SVOP: variants seen among roughly 807,000 people sequenced by gnomAD.
SVOP encodes synaptic vesicle 2-related protein.
Under a neutral mutation model 69.1 loss-of-function variants are expected in SVOP, and 17 were observed. The observed-to-expected ratio is 0.25, with a 90% CI of 0.17 to 0.37. The LOEUF is 0.37. Ranked by LOEUF, SVOP falls within the 10% of genes least tolerant of loss-of-function variation. SVOP has a pLI of 1.00. For missense variants in SVOP, 435 were observed against 597.5 expected (o/e 0.73, Z 2.84); for synonymous variants, 238 against 238.6 (o/e 1.00, Z 0.02).
At chr12:108,980,602 T>A (rs1047394159) in intron 2 of SVOP, among the ~76,000 whole-genome samples, 1 of 71,792 alleles carries the variant, frequency 1.4e-5, no homozygotes, top group Non-Finnish European at 2.9e-5. Context: ...TACAAAAAAT[T>A]AGCTGGGCGC....
rs1270692950 is a variant in SVOP at position 108,980,756 on chromosome 12, CA to C, written c.197-2094del. ...TGGGCAACAGAGCGAGACTCCGTCT[CA>C]AAAAAAAAAAAAAAAAAATTAGCCA... On this transcript the variant is annotated intron_variant, in intron 2 of 15. Coordinates refer to ENST00000610966, the MANE Select transcript of SVOP (RefSeq NM_018711.5). 4.1e-3 allele frequency among the ~76,000 whole-genome samples: 247 copies of C among 60,326 alleles called. 26 individuals are homozygous for C. Among genetic ancestry groups the C allele is most frequent in the Middle Eastern group, 0.019 (1 of 54 alleles). 39.6% of individuals were successfully genotyped at this position (60,326 alleles called of 152,430 possible). A position where few individuals can be genotyped will look rare whatever the true frequency, so the allele number is the denominator to read the frequency against.
chr12:108,976,199 T>C (rs958989811), intron 4 of SVOP, among the ~76,000 whole-genome samples: 1 of 152,158 alleles, frequency 6.6e-6, no homozygotes, highest in Non-Finnish European at 1.5e-5. Context: ...TGGAGGTGAC[T>C]AAACCACAAA....
In SVOP at chr12:108,978,232, G is replaced by C. The variant is rs150783603; in HGVS notation, c.282+346C>G. ...GGGATTTGAATGAGGGATCATGAGA[G>C]TCTTGAAGCAGAAGGCACATTTCTA... On this transcript the variant is annotated intron_variant, in intron 3 of 15. Coordinates refer to ENST00000610966, the MANE Select transcript of SVOP (RefSeq NM_018711.5). Among the ~76,000 whole-genome samples, 848 of 152,312 alleles carry C rather than the reference G, an allele frequency of 5.6e-3. 12 individuals are homozygous for C. The highest frequency in any genetic ancestry group is 0.02 in the African/African-American group (824 of 41,566).
rs908790673 is a variant in SVOP, at chr12:108,922,897, G to A, written c.1049-100C>T. On this transcript the variant is annotated intron_variant, in intron 11 of 15. Coordinates refer to ENST00000610966, the MANE Select transcript of SVOP (RefSeq NM_018711.5). Reference sequence around the variant, plus strand: ...TCCTTCCCTGGGGTGATTCAGTTTAGATGCCATAGAAAGAGCCCAGACTCA... The same window carrying A: ...TCCTTCCCTGGGGTGATTCAGTTTAAATGCCATAGAAAGAGCCCAGACTCA... 4.9e-6 allele frequency: 4 copies of A among 812,012 alleles called. 1 individual carries two copies. In the South Asian group the frequency reaches 6.4e-5, roughly 13 times the overall value. 50.3% of individuals were successfully genotyped at this position (812,012 alleles called of 1,614,324 possible). A position where few individuals can be genotyped will look rare whatever the true frequency, so the allele number is the denominator to read the frequency against.
At chr12:109,013,320 T>G (rs987865551) in intron 1 of SVOP, among the ~76,000 whole-genome samples, 1 of 151,828 alleles carries the variant, frequency 6.6e-6, no homozygotes, top group African/African-American at 2.4e-5. Context: ...TATTGGAGGA[T>G]AGAGGAAGAA....
chr12:108,951,515 A>AT (rs1230427176), intron 6 of SVOP, among the ~76,000 whole-genome samples: 3 of 152,230 alleles, frequency 2.0e-5, no homozygotes, highest in African/African-American at 7.2e-5. Context: ...CCTTGCTTGA[A>AT]TTAAAGTCTA....
chr12:108,972,580 T>A, intron 4 of SVOP, 104 bp from the exon 5 acceptor site: 1 of 1,167,732 alleles, frequency 8.6e-7, no homozygotes, highest in Non-Finnish European at 1.2e-6. Flanking sequence ...GTAACAGCAA[T>A]GATCTAACAT....
chr12:108,991,442 CTTGTTTGTTT>C (rs2040199950), intron 1 of SVOP, among the ~76,000 whole-genome samples: 1 of 13,994 alleles, frequency 7.1e-5, no homozygotes, highest in Non-Finnish European at 1.1e-3. Context: ...TCGGGTTTTG[CTTGTTTGTTT>C]GTTTGTTTGT....
At chr12:108,975,847 C>T (rs886915790) in intron 4 of SVOP, among the ~76,000 whole-genome samples, 2 of 151,920 alleles carry the variant, frequency 1.3e-5, no homozygotes, top group African/African-American at 2.4e-5. Flanking sequence ...GATTACAGGA[C>T]GCGCCACCAT....
chr12:108,940,877 G>A lies in SVOP; in HGVS notation c.675C>T (p.Val225=), dbSNP rs1260086384. 3.4e-5 allele frequency: 52 copies of A among 1,536,922 alleles called. No individual in the cohort carries two copies. The highest frequency in any genetic ancestry group is 4.3e-5 in the Non-Finnish European group (49 of 1,146,800). ...TGGGCATCACGAACACAGCCAGGAC[G>A]ACCTCGAACACTGTCCCGATGGCCC... ...VFWAIGTVFE[V]VLAVFVMPSL... is the part of the protein sequence containing the mutation. The change falls in exon 8 of 16, where the codon GTC becomes GTT. Residue 225 remains valine (V), a synonymous_variant. Transcript: ENST00000610966.
At chr12:108,930,719 C>A (rs559756157) in intron 11 of SVOP, among the ~76,000 whole-genome samples, 3 of 152,280 alleles carry the variant, frequency 2.0e-5, no homozygotes, top group African/African-American at 2.4e-5. Context: ...CAGGCATGAG[C>A]CACTACGCCT....
chr12:108,972,463 C>A lies in SVOP; in HGVS notation c.395G>T (p.Gly132Val), dbSNP rs1361765332. 8.5e-6 allele frequency: 13 copies of A among 1,537,076 alleles called. No individual in the cohort carries two copies. The highest frequency in any genetic ancestry group is 1.1e-5 in the Non-Finnish European group (13 of 1,146,898). Residue 132 changes from glycine to valine, a missense_variant, in exon 5 of 16, where the codon GGC (glycine) becomes GTC (valine). By Grantham distance (109) the Gly-to-Val change is moderately radical (BLOSUM62 -3). Transcript: ENST00000610966. Reference sequence around the variant, plus strand: ...CCAGAGCGTGGAGCTGGACATCATGCCTACAAAGACCACCTGTGGGGGGAA... The same window carrying A: ...CCAGAGCGTGGAGCTGGACATCATGACTACAAAGACCACCTGTGGGGGGAA... ...VALLTSVVFV[G>V]MMSSSTLWGN...
chr12:108,991,155 TG>T lies in SVOP; in HGVS notation c.36-7395del, dbSNP rs1462868281. Among the ~76,000 whole-genome samples the T allele has an allele frequency of 2.6e-5, 4 of 152,204 alleles. No individual in the cohort carries two copies. In the East Asian group the frequency reaches 5.8e-4, roughly 22 times the overall value. On this transcript the variant is annotated intron_variant, in intron 1 of 15. Transcript: ENST00000610966. ...AGGCAAACATCCTGCCGTCTGGAGC[TG>T]GGGCATCCCTTGCAGCTGGAAGGCA...
Position 108,997,431 on chromosome 12 carries a change from A to G in SVOP, c.36-13670T>C, listed in dbSNP as rs111321842. Among the ~76,000 whole-genome samples, 1,101 of 151,278 alleles carry G rather than the reference A, an allele frequency of 7.3e-3. 19 individuals carry two copies. Among genetic ancestry groups the G allele is most frequent in the African/African-American group, 0.024 (977 of 41,192 alleles). ...GCTTGCTTAGGTAAACAAAGCAGCC[A>G]GGAAGCTCGAACTGGGTGGAGCCCA... On this transcript the variant is annotated intron_variant, in intron 1 of 15. Transcript: ENST00000610966.
At chr12:108,915,487 A>G (rs964261663) in intron 15 of SVOP, among the ~76,000 whole-genome samples, 6 of 152,136 alleles carry the variant, frequency 3.9e-5, no homozygotes, top group Non-Finnish European at 5.9e-5. Flanking sequence ...GTTTTCATCC[A>G]CATTGTTTTT....
At chr12:108,942,874 C>T (rs1245598649) in intron 7 of SVOP, among the ~76,000 whole-genome samples, 1 of 152,198 alleles carries the variant, frequency 6.6e-6, no homozygotes, top group East Asian at 1.9e-4. Flanking sequence ...AAGCAATTAT[C>T]GTGCCTCAGC....
chr12:108,972,417 G>A lies in SVOP; in HGVS notation c.441C>T (p.Tyr147=), dbSNP rs1484106611. Residue 147 remains tyrosine, a synonymous_variant, in exon 5 of 16, where the codon TAC becomes TAT. Coordinates refer to ENST00000610966, the MANE Select transcript of SVOP (RefSeq NM_018711.5). Reference sequence around the variant, plus strand: ...AAGTTTGCCTTACTGTTTTCCTGCCGTACTGGTCTGAGATATTTCCCCAGA... The same window carrying A: ...AAGTTTGCCTTACTGTTTTCCTGCCATACTGGTCTGAGATATTTCCCCAGA... The part of the protein sequence containing the change: ...STLWGNISDQ[Y]GRKTGLKISV... 26 of 1,536,980 alleles carry A rather than the reference G, an allele frequency of 1.7e-5. No homozygotes were observed. Among genetic ancestry groups the A allele is most frequent in the African/African-American group, 4.1e-5 (3 of 72,998 alleles).
At chr12:108,969,833 A>T (rs1448406537) in intron 5 of SVOP, among the ~76,000 whole-genome samples, 1 of 152,054 alleles carries the variant, frequency 6.6e-6, no homozygotes, top group Non-Finnish European at 1.5e-5. Context: ...GGGAGAGCAG[A>T]TGGGGGCAGA....
chr12:108,938,896 G>A lies in SVOP; in HGVS notation c.828C>T (p.Ala276=). The change falls in exon 9 of 16, where the codon GCC becomes GCT. Residue 276 remains alanine, a synonymous_variant. Coordinates refer to ENST00000610966, the MANE Select transcript of SVOP (RefSeq NM_018711.5). ...TTTCAGTTGCTATCCTCTTTAAGGT[G>A]GCGATTGCCTTTTCCTGGTTCCCTG... The part of the protein sequence containing the change: ...VLSGNQEKAI[A]TLKRIATENG... The A allele has an allele frequency of 2.5e-6, 4 of 1,613,998 alleles. No homozygotes were observed. The highest frequency in any genetic ancestry group is 3.4e-6 in the Non-Finnish European group (4 of 1,179,892).
Sources: gnomAD v4.1 joint callset for allele counts (sites outside exome capture counted in the v4.1 genomes callset) on GRCh38, gnomAD v4.1.1 for gene constraint, MANE v1.5 for transcripts, NCBI Gene and HGNC (gene_info 2026-07-23, HGNC 2026-07-21) for gene names.